Variants in RASL10B observed in about 807,000 individuals in gnomAD.
The protein encoded by RASL10B is ras-like protein family member 10B.
Under a neutral mutation model 20.7 loss-of-function variants are expected in RASL10B, and 10 were observed. The observed-to-expected ratio is 0.48, with a 90% confidence interval of 0.30 to 0.82. RASL10B has a LOEUF of 0.82. Ranked by LOEUF, RASL10B falls within the 40% of genes least tolerant of loss-of-function variation. RASL10B has a pLI of 0.07. For missense variants in RASL10B, 231 were observed against 295.4 expected (o/e 0.78, Z 1.60); for synonymous variants, 110 against 123.3 (o/e 0.89, Z 0.72).
rs587610950 is a variant in RASL10B at position 35,734,136 on chromosome 17, A to G, written c.-147-902A>G. ...CCCCATCTCTACTAAAAATACCAAA[A>G]TTATCTGGGTGTGGTGGCAGGTGCC... On this transcript the variant is annotated intron_variant, in intron 1 of 3. Transcript: ENST00000603017. 3.3e-5 allele frequency among the ~76,000 whole-genome samples: 5 copies of G among 152,284 alleles called. No individual in the cohort carries two copies. In the East Asian group the frequency reaches 9.6e-4, roughly 29 times the overall value.
rs1331751207 is a variant in RASL10B, at chr17:35,735,929, C to T, written c.216+529C>T. ...TTCGGAGCTGTGCCTACCGTAACCT[C>T]ACTCCACATCCTCTGGAGAAGGGAC... On this transcript the variant is annotated intron_variant, in intron 2 of 3. Transcript: ENST00000603017. The surrounding 1 kb of genome is among the most constrained non-coding windows in gnomAD (Gnocchi z 6.7). Among the ~76,000 whole-genome samples the T allele has an allele frequency of 6.6e-6, 1 of 152,186 alleles. No individual in the cohort carries two copies. The highest frequency in any genetic ancestry group is 1.5e-5 in the Non-Finnish European group (1 of 68,040).
chr17:35,738,884 T>C (rs73990293), intron 2 of RASL10B, among the ~76,000 whole-genome samples: 13,970 of 152,120 alleles, frequency 0.092, 719 homozygotes, highest in East Asian at 0.22. Context: ...GACTGGGAGC[T>C]TCTCATCCCT....
chr17:35,734,560 G>A (rs1421000185), intron 1 of RASL10B, among the ~76,000 whole-genome samples: 3 of 152,190 alleles, frequency 2.0e-5, no homozygotes, highest in Non-Finnish European at 4.4e-5. Flanking sequence ...GAGGCTGGCA[G>A]TTACCTCTTG....
intron 1 of RASL10B, among the ~76,000 whole-genome samples, chr17:35,734,033 G>A (rs1397914382): frequency 6.6e-6 from 1 of 152,194 alleles, no homozygotes. Context: ...GGTGACTCAC[G>A]CCTGTAATCC....
At chr17:35,737,976 G>A (rs1226070003) in intron 2 of RASL10B, among the ~76,000 whole-genome samples, 3 of 151,864 alleles carry the variant, frequency 2.0e-5, no homozygotes, top group Non-Finnish European at 4.4e-5. Flanking sequence ...CTCCATAGCA[G>A]TGGCGTATGC....
Position 35,735,018 on chromosome 17 carries a change from C to T in RASL10B, c.-147-20C>T. ...TCCAGGGATAAGCCAGTGCACTAAG[C>T]CCACCTCTTGTCCCCACAGTCCAGG... is the stretch of plus-strand genomic sequence containing the variant. On this transcript the variant is annotated intron_variant, in intron 1 of 3. Coordinates refer to ENST00000603017, the MANE Select transcript of RASL10B (RefSeq NM_033315.4). The surrounding 1 kb of genome is among the most constrained non-coding windows in gnomAD (Gnocchi z 6.7). 1.5e-6 allele frequency: 1 copy of T among 673,548 alleles called. No individual in the cohort carries two copies. The highest frequency in any genetic ancestry group is 2.6e-6 in the Non-Finnish European group (1 of 386,792). 41.7% of individuals were successfully genotyped at this position (673,548 alleles called of 1,614,324 possible). A position where few individuals can be genotyped will look rare whatever the true frequency, so the allele number is the denominator to read the frequency against.
chr17:35,736,617 A>C (rs1019749231), intron 2 of RASL10B, among the ~76,000 whole-genome samples: 1 of 152,170 alleles, frequency 6.6e-6, no homozygotes, highest in Non-Finnish European at 1.5e-5. Flanking sequence ...AGACTTTAAC[A>C]ATCACCTGAT....
chr17:35,737,637 C>G (rs587696731), intron 2 of RASL10B, among the ~76,000 whole-genome samples: 1 of 149,366 alleles, frequency 6.7e-6, no homozygotes, highest in Non-Finnish European at 1.5e-5. Context: ...TGAGGTGGCT[C>G]ATGCCTATAA....
intron 3 of RASL10B, 47 bp from the exon 4 acceptor site, chr17:35,740,988 C>A: frequency 6.7e-7 from 1 of 1,496,510 alleles, no homozygotes; most frequent in Non-Finnish European, 9.2e-7. Flanking sequence ...GGGAGTACAG[C>A]GGTTGTGGGG....
In RASL10B at chr17:35,741,259, T is replaced by C; in HGVS notation, c.566T>C (p.Leu189Pro). The change falls in exon 4 of 4, where the codon CTG (leucine) becomes CCG (proline). Residue 189 changes from leucine to proline, a missense_variant. By Grantham distance (98) the Leu-to-Pro change is moderately conservative (BLOSUM62 -3). Transcript: ENST00000603017. The stretch of plus-strand genomic sequence containing the variant: ...CGTTGCAAGCACGTGCACGCTGCCC[T>C]GCGCTTCCAGGGCGCGCTGCGCCGC... ...CARCKHVHAA[L>P]RFQGALRRNR... 1.9e-6 allele frequency: 3 copies of C among 1,562,672 alleles called. No homozygotes were observed. Among genetic ancestry groups the C allele is most frequent in the Non-Finnish European group, 2.6e-6 (3 of 1,153,452 alleles).
At chr17:35,740,347 T>A in intron 2 of RASL10B, 62 bp from the exon 3 acceptor site, 2 of 1,583,912 alleles carry the variant, frequency 1.3e-6, no homozygotes, top group Admixed American at 1.7e-5. Context: ...ATGGGAGGTG[T>A]TTGGGGGCTA....
chr17:35,742,424 C>G lies in RASL10B; in HGVS notation c.*1119C>G, dbSNP rs2085635300. The G allele has an allele frequency of 6.5e-6, 1 of 152,756 alleles. No individual in the cohort carries two copies. Among genetic ancestry groups the G allele is most frequent in the Non-Finnish European group, 1.5e-5 (1 of 68,232 alleles). 9.5% of individuals were successfully genotyped at this position (152,756 alleles called of 1,614,324 possible). ...TGGGGACCCCTGTACTTGGGGGAGA[C>G]ACACCTGCATCTTCCTCCTGCCACA... On this transcript the variant is annotated 3_prime_UTR_variant, in exon 4 of 4. Coordinates refer to ENST00000603017, the MANE Select transcript of RASL10B (RefSeq NM_033315.4).
In RASL10B at chr17:35,741,374, G is replaced by A; in HGVS notation, c.*69G>A. 7.3e-7 allele frequency: 1 copy of A among 1,366,472 alleles called. No homozygotes were observed. Among genetic ancestry groups the A allele is most frequent in the Non-Finnish European group, 9.4e-7 (1 of 1,065,652 alleles). 84.6% of individuals were successfully genotyped at this position (1,366,472 alleles called of 1,614,324 possible). A position where few individuals can be genotyped will look rare whatever the true frequency, so the allele number is the denominator to read the frequency against. On this transcript the variant is annotated 3_prime_UTR_variant, in exon 4 of 4. Transcript: ENST00000603017. ...GGGCGGGGCCGTACTGCGGGGCTGG[G>A]GCGGGGAGCGGGCGGGAAATGGAAC...
In RASL10B at chr17:35,741,032, C is replaced by T. The variant is rs782266939; in HGVS notation, c.342-3C>T. 1.3e-6 allele frequency: 2 copies of T among 1,594,968 alleles called. No individual in the cohort carries two copies. Among genetic ancestry groups the T allele is most frequent in the South Asian group, 2.2e-5 (2 of 89,082 alleles). On this transcript the variant is annotated splice_polypyrimidine_tract_variant and splice_region_variant and intron_variant, in intron 3 of 3. Transcript: ENST00000603017. ...GTTCTGAGCTGCCTGCCTCGCCCCA[C>T]AGGGTGATCGGAACCTCAGAGACGC... is the stretch of plus-strand genomic sequence containing the variant.
Position 35,740,406 on chromosome 17 carries a change from C to T in RASL10B, c.217-3C>T. 6.2e-7 allele frequency: 1 copy of T among 1,613,132 alleles called. No homozygotes were observed. The highest frequency in any genetic ancestry group is 8.5e-7 in the Non-Finnish European group (1 of 1,179,540). On this transcript the variant is annotated splice_polypyrimidine_tract_variant and splice_region_variant and intron_variant, in intron 2 of 3. Transcript: ENST00000603017. ...ACCCTGGTACTGGCTGGGGATATTGCAGGAGTGGGCAGACACCTGCTGCAG... is the reference window on the plus strand; with the variant it reads ...ACCCTGGTACTGGCTGGGGATATTGTAGGAGTGGGCAGACACCTGCTGCAG...
Position 35,741,127 on chromosome 17 carries a change from A to C in RASL10B, c.434A>C (p.His145Pro), listed in dbSNP as rs1555597883. ...GTGATCCCGCGCTGGAACGTGTCGC[A>C]CCTGGTACGCAAGACCTGGAAGTGC... ...GRVIPRWNVS[H>P]LVRKTWKCGY... The change falls in exon 4 of 4, where the codon CAC becomes CCC. Residue 145 changes from histidine (H) to proline (P), a missense_variant. Transcript: ENST00000603017. 6.2e-7 allele frequency: 1 copy of C among 1,613,584 alleles called. No homozygotes were observed. The highest frequency in any genetic ancestry group is 1.1e-5 in the South Asian group (1 of 91,082).
chr17:35,741,307 G>T lies in RASL10B; in HGVS notation c.*2G>T. ...CGCAACCGCTGCGCCATCATGTGACGCCTGCGCGCCCCTCGGGCTGCACCG... is the reference window on the plus strand; with the variant it reads ...CGCAACCGCTGCGCCATCATGTGACTCCTGCGCGCCCCTCGGGCTGCACCG... On this transcript the variant is annotated 3_prime_UTR_variant, in exon 4 of 4. Coordinates refer to ENST00000603017, the MANE Select transcript of RASL10B (RefSeq NM_033315.4). The T allele has an allele frequency of 6.8e-7, 1 of 1,475,928 alleles. No homozygotes were observed. The highest frequency in any genetic ancestry group is 9.0e-7 in the Non-Finnish European group (1 of 1,110,556). 91.4% of individuals were successfully genotyped at this position (1,475,928 alleles called of 1,614,324 possible).
Position 35,741,532 on chromosome 17 carries a change from G to T in RASL10B, c.*227G>T, listed in dbSNP as rs1224400120. The T allele has an allele frequency of 3.3e-6, 2 of 611,630 alleles. No individual in the cohort carries two copies. The highest frequency in any genetic ancestry group is 5.1e-6 in the Non-Finnish European group (2 of 395,432). 37.9% of individuals were successfully genotyped at this position (611,630 alleles called of 1,614,324 possible). A position where few individuals can be genotyped will look rare whatever the true frequency, so the allele number is the denominator to read the frequency against. ...GCTTCCTGGGACAGCCGCCTTCAGT[G>T]CTGTATTTAGTGCAGTGCCCGGCCC... On this transcript the variant is annotated 3_prime_UTR_variant, in exon 4 of 4. Transcript: ENST00000603017.
rs2085626721 is a variant in RASL10B at position 35,741,219 on chromosome 17, A to C, written c.526A>C (p.Ser176Arg). 2 of 1,611,168 alleles carry C rather than the reference A, an allele frequency of 1.2e-6. No individual in the cohort carries two copies. Among genetic ancestry groups the C allele is most frequent in the Non-Finnish European group, 1.7e-6 (2 of 1,178,986 alleles). The change falls in exon 4 of 4, where the codon AGC becomes CGC. Residue 176 changes from serine (S) to arginine (R), a missense_variant. Ser to Arg is a moderately radical substitution (Grantham distance 110). Transcript: ENST00000603017. ...ILLLFSELLK[S>R]VGCARCKHVH... Reference sequence around the variant, plus strand: ...GCTGCTCTTCAGCGAGCTGCTCAAGAGCGTCGGCTGCGCCCGTTGCAAGCA... The same window carrying C: ...GCTGCTCTTCAGCGAGCTGCTCAAGCGCGTCGGCTGCGCCCGTTGCAAGCA...
Sources: allele counts gnomAD v4.1 joint callset (sites outside exome capture counted in the v4.1 genomes callset), GRCh38; gene constraint gnomAD v4.1.1; non-coding constraint Gnocchi (gnomAD v3.1); transcripts MANE v1.5; gene names NCBI Gene and HGNC (gene_info 2026-07-23, HGNC 2026-07-21).